Variants in DAB2 observed in about 807,000 individuals in gnomAD.
DAB2 encodes disabled homolog 2.
Under a neutral mutation model 71.6 loss-of-function variants are expected in DAB2, and 28 were observed. That is an observed-to-expected ratio of 0.39 (90% CI 0.29 to 0.54). The LOEUF is 0.54. Ranked by LOEUF, DAB2 falls within the 20% of genes least tolerant of loss-of-function variation. The pLI is 0.68. For synonymous variants in DAB2, 345 were observed against 339.7 expected (o/e 1.02, Z -0.17); for missense variants, 867 against 928.8 (o/e 0.93, Z 0.86).
chr5:39,414,885 T>A (rs1755813678), intron 1 of DAB2, among the ~76,000 whole-genome samples: 1 of 152,072 alleles, frequency 6.6e-6, no homozygotes, highest in Non-Finnish European at 1.5e-5. Context: ...CACCTACTAT[T>A]TGCCAAGCAC....
intron 1 of DAB2, chr5:39,417,047 G>A (rs536882273): frequency 1.3e-5 from 2 of 152,104 alleles, no homozygotes; most frequent in South Asian, 4.2e-4. Flanking sequence ...CTGCTTTAAT[G>A]ACGGATCTGC....
At chr5:39,417,306 A>T (rs1470544821) in intron 1 of DAB2, 1 of 152,126 alleles carries the variant, frequency 6.6e-6, no homozygotes, top group Non-Finnish European at 1.5e-5. Context: ...AAATAAAAAA[A>T]AAAAATCAAA....
At chr5:39,386,020 C>A (rs1755092108) in intron 9 of DAB2, among the ~76,000 whole-genome samples, 1 of 152,156 alleles carries the variant, frequency 6.6e-6, no homozygotes, top group Non-Finnish European at 1.5e-5. Flanking sequence ...AAGTGACACT[C>A]CTGCTTTGTA....
chr5:39,405,412 A>G (rs1361415180), intron 1 of DAB2, among the ~76,000 whole-genome samples: 1 of 152,240 alleles, frequency 6.6e-6, no homozygotes, highest in African/African-American at 2.4e-5. Flanking sequence ...TCACTTCTAC[A>G]AAGGAAAGGA....
rs1189582790 is a variant in DAB2, at chr5:39,383,194, G to C, written c.765C>G (p.Phe255Leu). ...AACAGGAGGTGATGCCGTTTGTTAA[G>C]AATGGATTTTCTCTTAAAGAATTCT... ...TNQNSLRENPFLTNGITSCSL... is the reference protein window; with the variant it reads ...TNQNSLRENPLLTNGITSCSL... The change falls in exon 10 of 15, where the codon TTC becomes TTG. Residue 255 changes from phenylalanine to leucine, a missense_variant. Phe to Leu is a conservative substitution (Grantham distance 22, BLOSUM62 0). Around this residue, in one of 2 missense-constraint regions of DAB2, gnomAD observed 740 missense variants for 734.3 expected, o/e 1.01. Coordinates refer to ENST00000320816, the MANE Select transcript of DAB2 (RefSeq NM_001343.4). 6.2e-7 allele frequency: 1 copy of C among 1,613,986 alleles called. No individual in the cohort carries two copies. Among genetic ancestry groups the C allele is most frequent in the Non-Finnish European group, 8.5e-7 (1 of 1,179,908 alleles).
At chr5:39,393,158 A>T in intron 3 of DAB2, 96 bp downstream of exon 3, 1 of 1,288,752 alleles carries the variant, frequency 7.8e-7, no homozygotes, top group Non-Finnish European at 1.1e-6. Flanking sequence ...AGCAGTTTTC[A>T]AGTAATTGAA....
Position 39,396,232 on chromosome 5 carries a change from C to T in DAB2, c.-101-1811G>A, listed in dbSNP as rs910019257. On this transcript the variant is annotated intron_variant, in intron 1 of 14. Transcript: ENST00000320816. ...AAAGTGAAGGCAAAGATATTTAAAACGACATACCTGCTAAGTGGTAGAACC... is the reference window on the plus strand; with the variant it reads ...AAAGTGAAGGCAAAGATATTTAAAATGACATACCTGCTAAGTGGTAGAACC... 1.2e-4 allele frequency among the ~76,000 whole-genome samples: 19 copies of T among 152,262 alleles called. No homozygotes were observed. In the South Asian group the frequency reaches 1.7e-3, roughly 13 times the overall value.
intron 1 of DAB2, among the ~76,000 whole-genome samples, chr5:39,420,168 T>C (rs1033439060): frequency 7.2e-5 from 11 of 152,224 alleles, no homozygotes; most frequent in African/African-American, 4.8e-5. Flanking sequence ...TCCCTCAAGC[T>C]GTGAAATACA....
chr5:39,377,997 A>C (rs942154874), intron 11 of DAB2, among the ~76,000 whole-genome samples: 1 of 152,268 alleles, frequency 6.6e-6, no homozygotes, highest in Non-Finnish European at 1.5e-5. Context: ...ACTGTTTCAA[A>C]TAAAAGTGCT....
chr5:39,381,728 T>A, intron 10 of DAB2, 112 bp from the exon 11 acceptor site: 2 of 1,166,048 alleles, frequency 1.7e-6, no homozygotes, highest in Non-Finnish European at 1.2e-6. Flanking sequence ...AAAGGAAAAC[T>A]TTTTTCTTGA....
At chr5:39,399,032 C>T (rs760520103) in intron 1 of DAB2, among the ~76,000 whole-genome samples, 1 of 152,160 alleles carries the variant, frequency 6.6e-6, no homozygotes, top group Non-Finnish European at 1.5e-5. Context: ...GACCAAAAGT[C>T]CCCTAGTTAA....
intron 1 of DAB2, among the ~76,000 whole-genome samples, chr5:39,402,340 G>A (rs1379690809): frequency 1.3e-5 from 2 of 152,182 alleles, no homozygotes; most frequent in East Asian, 1.9e-4. Context: ...CACAGTAAGT[G>A]TTTAAACACT....
chr5:39,409,702 C>A (rs537156063), intron 1 of DAB2, among the ~76,000 whole-genome samples: 15 of 152,178 alleles, frequency 9.9e-5, no homozygotes, highest in African/African-American at 3.6e-4. Context: ...AGTTTGGAAG[C>A]ATAATTCAAG....
At chr5:39,375,246 C>G (rs1754798321) in intron 13 of DAB2, among the ~76,000 whole-genome samples, 162 bp from the exon 14 acceptor site, 1 of 152,146 alleles carries the variant, frequency 6.6e-6, no homozygotes, top group African/African-American at 2.4e-5. Flanking sequence ...CATCTGCTTG[C>G]AGATGGCAGT....
chr5:39,416,109 C>A (rs1755840405), intron 1 of DAB2, among the ~76,000 whole-genome samples: 1 of 151,956 alleles, frequency 6.6e-6, no homozygotes, highest in Non-Finnish European at 1.5e-5. Context: ...TGCCTCACCG[C>A]CACCCTGAGT....
In DAB2 at chr5:39,376,953, G is replaced by A. The variant is rs1754847471; in HGVS notation, c.1834C>T (p.His612Tyr). Residue 612 changes from histidine to tyrosine, a missense_variant, in exon 12 of 15, where the codon CAC becomes TAC. Coordinates refer to ENST00000320816, the MANE Select transcript of DAB2 (RefSeq NM_001343.4). ...PAVSTQPPSM[H>Y]SSLLVTPPQP... is the part of the protein sequence containing the mutation. ...GGAGGAGTGACCAGGAGAGAGGAGT[G>A]CATGGATGGGGGCTGAGTGGACACA... is the stretch of plus-strand genomic sequence containing the variant. 1 of 1,614,166 alleles carries A rather than the reference G, an allele frequency of 6.2e-7. No homozygotes were observed. Among genetic ancestry groups the A allele is most frequent in the Non-Finnish European group, 8.5e-7 (1 of 1,180,022 alleles).
chr5:39,416,460 A>C (rs1022545327), intron 1 of DAB2, among the ~76,000 whole-genome samples: 2 of 152,104 alleles, frequency 1.3e-5, no homozygotes, highest in African/African-American at 4.8e-5. Flanking sequence ...TCCTCCATTC[A>C]CATTCAAGCT....
chr5:39,423,680 C>T (rs1276811167), intron 1 of DAB2: 2 of 152,264 alleles, frequency 1.3e-5, no homozygotes, highest in Admixed American at 6.5e-5. Context: ...CCCATTACTT[C>T]TGTTTGCATT....
chr5:39,392,765 C>T (rs2112060543), intron 3 of DAB2, among the ~76,000 whole-genome samples: 1 of 152,264 alleles, frequency 6.6e-6, no homozygotes, highest in Admixed American at 6.5e-5. Context: ...AACTATTGAA[C>T]AAGTATTATT....
Sources: allele counts gnomAD v4.1 joint callset (sites outside exome capture counted in the v4.1 genomes callset), GRCh38; gene constraint gnomAD v4.1.1; regional missense constraint gnomAD v4.1.1; transcripts MANE v1.5; gene names NCBI Gene and HGNC (gene_info 2026-07-23, HGNC 2026-07-21).